Variants in OPCML observed in about 807,000 individuals in gnomAD.
OPCML encodes opioid binding protein/cell adhesion molecule like.
In OPCML, 13 loss-of-function variants were observed where a neutral mutation model predicts 37.8. The observed-to-expected ratio is 0.34, with a 90% CI of 0.22 to 0.55. The LOEUF (loss-of-function observed/expected upper bound fraction) is 0.55, where lower values mean the gene tolerates loss of function less well. OPCML is among the 20% of genes least tolerant of loss of function. The pLI is 0.91. For missense variants in OPCML, 341 were observed against 435.6 expected (o/e 0.78, Z 1.93); for synonymous variants, 176 against 168.8 (o/e 1.04, Z -0.33).
chr11:132,675,007 G>A (rs1372047616), intron 2 of OPCML, among the ~76,000 whole-genome samples: 2 of 152,086 alleles, frequency 1.3e-5, no homozygotes, highest in Admixed American at 6.5e-5. Flanking sequence ...TTGTTCACAT[G>A]AGTAAATTTC....
chr11:132,974,053 C>T (rs1266778479), intron 1 of OPCML, among the ~76,000 whole-genome samples: 1 of 152,182 alleles, frequency 6.6e-6, no homozygotes, highest in Admixed American at 6.5e-5. Flanking sequence ...GCTGTCCCTC[C>T]TCGCATAATC....
At chr11:133,231,422 G>A (rs1375311602) in intron 1 of OPCML, among the ~76,000 whole-genome samples, 1 of 152,100 alleles carries the variant, frequency 6.6e-6, no homozygotes, top group Non-Finnish European at 1.5e-5. Flanking sequence ...GGCAGCACAG[G>A]GCAGTCTGCA....
intron 1 of OPCML, among the ~76,000 whole-genome samples, chr11:133,282,198 G>C (rs557524098): frequency 6.6e-6 from 1 of 152,228 alleles, no homozygotes; most frequent in Admixed American, 6.5e-5. Flanking sequence ...TCTTTGGAAC[G>C]GCCCTTCCCA....
At chr11:132,664,511 A>G (rs1309551662) in intron 2 of OPCML, among the ~76,000 whole-genome samples, 1 of 152,196 alleles carries the variant, frequency 6.6e-6, no homozygotes, top group African/African-American at 2.4e-5. Context: ...AATTTTTGCT[A>G]AGAAAAACCT....
At chr11:132,696,622 C>A (rs999485621) in intron 2 of OPCML, among the ~76,000 whole-genome samples, 11 of 152,074 alleles carry the variant, frequency 7.2e-5, no homozygotes, top group South Asian at 2.1e-4. Context: ...CCCAGTAAAG[C>A]AGAGGAAATC....
chr11:133,181,531 G>A (rs1271418454), intron 1 of OPCML, among the ~76,000 whole-genome samples: 1 of 151,970 alleles, frequency 6.6e-6, no homozygotes, highest in Non-Finnish European at 1.5e-5. Context: ...TGTTCTACAG[G>A]GCAAATATTC....
chr11:133,503,305 T>A (rs1947956380), intron 1 of OPCML, among the ~76,000 whole-genome samples: 1 of 152,140 alleles, frequency 6.6e-6, no homozygotes, highest in African/African-American at 2.4e-5. Context: ...CCCAGCATCA[T>A]AATACAAGGC....
At chr11:133,137,412 T>G (rs1949707728) in intron 1 of OPCML, among the ~76,000 whole-genome samples, 1 of 152,228 alleles carries the variant, frequency 6.6e-6, no homozygotes. Context: ...TACAACACTT[T>G]TCTTCTAAAG....
intron 1 of OPCML, among the ~76,000 whole-genome samples, chr11:133,227,771 C>T (rs1940102067): frequency 6.6e-6 from 1 of 152,172 alleles, no homozygotes; most frequent in Admixed American, 6.5e-5. Flanking sequence ...CACCTGCCTC[C>T]CCAGAGAGTG....
At chr11:132,779,037 C>CAGTGGT (rs1433773347) in intron 2 of OPCML, among the ~76,000 whole-genome samples, 2 of 146,588 alleles carry the variant, frequency 1.4e-5, no homozygotes, top group African/African-American at 2.6e-5. Flanking sequence ...GTGCCATCTC[C>CAGTGGT]GCTCACTGCA....
intron 2 of OPCML, among the ~76,000 whole-genome samples, chr11:132,842,974 T>C (rs1032655967): frequency 6.6e-6 from 1 of 152,244 alleles, no homozygotes; most frequent in Non-Finnish European, 1.5e-5. Context: ...TGGTAGCTTT[T>C]AGAAATTTGT....
At chr11:133,255,797 C>T (rs1941292722) in intron 1 of OPCML, among the ~76,000 whole-genome samples, 1 of 151,976 alleles carries the variant, frequency 6.6e-6, no homozygotes, top group Non-Finnish European at 1.5e-5. Context: ...GCTTAAAACC[C>T]CTATGGCTGG....
Position 132,415,164 on chromosome 11 carries a change from GAAAAT to G in OPCML, c.*5024_*5028del, listed in dbSNP as rs529159041. The G allele has an allele frequency of 1.2e-3, 178 of 149,170 alleles. 1 individual carries two copies. Among genetic ancestry groups the G allele is most frequent in the Non-Finnish European group, 2.3e-4 (15 of 65,986 alleles). The allele number at this position is 149,170 out of a possible 1,614,324, so 9.2% of individuals were successfully genotyped here. On this transcript the variant is annotated 3_prime_UTR_variant, in exon 8 of 8. Transcript: ENST00000524381. ...ATTTTTTGAAGGAAAAAATACGAAAGAAAATAAAAGAAAAAAAGAACTCTAGAAGG... is the reference window on the plus strand; with the variant it reads ...ATTTTTTGAAGGAAAAAATACGAAAGAAAAGAAAAAAAGAACTCTAGAAGG...
At chr11:132,841,134 G>A (rs1941267623) in intron 2 of OPCML, among the ~76,000 whole-genome samples, 1 of 152,224 alleles carries the variant, frequency 6.6e-6, no homozygotes, top group South Asian at 2.1e-4. Context: ...ATAAGCATTA[G>A]CCGTTAAAGC....
intron 1 of OPCML, among the ~76,000 whole-genome samples, chr11:133,369,015 G>A (rs1454746985): frequency 6.6e-6 from 1 of 152,156 alleles, no homozygotes; most frequent in African/African-American, 2.4e-5. Context: ...AAAATCCAAG[G>A]CATTCTTCAT....
At chr11:132,959,772 GAA>G (rs991872076) in intron 1 of OPCML, among the ~76,000 whole-genome samples, 9 of 152,140 alleles carry the variant, frequency 5.9e-5, no homozygotes, top group Admixed American at 5.9e-4. Context: ...AAGGAAATTG[GAA>G]AGAGAGAATA....
chr11:132,562,949 T>G (rs1454965583), intron 3 of OPCML, among the ~76,000 whole-genome samples: 2 of 152,130 alleles, frequency 1.3e-5, no homozygotes, highest in Non-Finnish European at 2.9e-5. Context: ...CAAGTGTAGA[T>G]AGAGGTCAGT....
chr11:132,606,347 G>A (rs554127529), intron 3 of OPCML, among the ~76,000 whole-genome samples: 5 of 152,182 alleles, frequency 3.3e-5, no homozygotes, highest in African/African-American at 9.6e-5. Flanking sequence ...CCTGTCCCAC[G>A]ATGGCAGCTG....
At chr11:133,452,858 G>A (rs895226379) in intron 1 of OPCML, among the ~76,000 whole-genome samples, 1 of 151,554 alleles carries the variant, frequency 6.6e-6, no homozygotes, top group African/African-American at 2.4e-5. Flanking sequence ...AAATTAGTTT[G>A]TATAAAAGTT....
Sources: allele counts gnomAD v4.1 joint callset (sites outside exome capture counted in the v4.1 genomes callset), GRCh38; gene constraint gnomAD v4.1.1; transcripts MANE v1.5; gene names NCBI Gene and HGNC (gene_info 2026-07-23, HGNC 2026-07-21).